Variants in GLIS3 observed in about 807,000 individuals in gnomAD.
GLIS3 encodes the protein zinc finger protein GLIS3.
A neutral mutation model predicts 78.6 loss-of-function variants in GLIS3; 53 were observed. The ratio of observed to expected loss-of-function variants is 0.67; its 90% CI spans 0.54 to 0.85. GLIS3 has a LOEUF of 0.85. Ranked by LOEUF, GLIS3 falls within the 40% of genes least tolerant of loss-of-function variation. The probability of loss-of-function intolerance (pLI) is 0.00; values close to 1 mark genes in which losing one functional copy is unlikely to be tolerated. For missense variants in GLIS3, 1,703 were observed against 1,231.1 expected (o/e 1.38, Z -5.74); for synonymous variants, 684 against 509.9 (o/e 1.34, Z -4.60).
chr9:4,270,716 C>T (rs1011648973), intron 2 of GLIS3, among the ~76,000 whole-genome samples: 1 of 152,208 alleles, frequency 6.6e-6, no homozygotes, highest in African/African-American at 2.4e-5. Flanking sequence ...CCCTGTGTGA[C>T]GATCTCTGAG....
chr9:3,856,291 G>A (rs1413291423), intron 8 of GLIS3, 107 bp from the exon 9 acceptor site: 23 of 978,704 alleles, frequency 2.4e-5, no homozygotes, highest in South Asian at 1.8e-4. Context: ...ATACAAGAGC[G>A]TGACAACAAG....
At chr9:4,066,538 G>C (rs567254941) in intron 4 of GLIS3, among the ~76,000 whole-genome samples, 3 of 152,296 alleles carry the variant, frequency 2.0e-5, no homozygotes, top group South Asian at 4.1e-4. Flanking sequence ...CTGGATTTCT[G>C]ACCAGGTAAT....
upstream of GLIS3, among the ~76,000 whole-genome samples, chr9:4,301,302 T>C (rs1410152859): frequency 2.0e-5 from 3 of 152,170 alleles, no homozygotes; most frequent in East Asian, 5.8e-4. Context: ...TTTTCCAGTT[T>C]CTCTCTGTTC....
At chr9:3,852,394 C>A (rs924747423) in intron 9 of GLIS3, among the ~76,000 whole-genome samples, 1 of 152,176 alleles carries the variant, frequency 6.6e-6, no homozygotes, top group Admixed American at 6.5e-5. Context: ...CTCACTTGAG[C>A]TATTGCATTA....
In GLIS3 at chr9:4,250,722, C is replaced by A. The variant is rs530288318; in HGVS notation, c.388+35316G>T. Among the ~76,000 whole-genome samples, 5 of 152,314 alleles carry A rather than the reference C, an allele frequency of 3.3e-5. No individual in the cohort carries two copies. The East Asian group carries it at 5.8e-4, about 18-fold the overall frequency. On this transcript the variant is annotated intron_variant, in intron 2 of 10. Coordinates refer to ENST00000381971, the MANE Select transcript of GLIS3 (RefSeq NM_001042413.2). ...TGATGTTAGGGTGTCAATTTTAAATCTTTCCCACCTTCTTTTGTGGGCATT... is the reference window on the plus strand; with the variant it reads ...TGATGTTAGGGTGTCAATTTTAAATATTTCCCACCTTCTTTTGTGGGCATT...
chr9:4,353,120 A>G (rs1220119959), upstream of GLIS3, among the ~76,000 whole-genome samples: 1 of 152,070 alleles, frequency 6.6e-6, no homozygotes, highest in African/African-American at 2.4e-5. Context: ...GAACAATACA[A>G]CTTGACCGAA....
chr9:4,474,054 A>T, the GLIS3 span, among the ~76,000 whole-genome samples: 1 of 152,214 alleles, frequency 6.6e-6, no homozygotes, highest in Non-Finnish European at 1.5e-5. Context: ...GTCACTCCCA[A>T]ACAAAATTTC....
At chr9:4,188,070 G>A (rs567736752) in intron 2 of GLIS3, among the ~76,000 whole-genome samples, 1 of 151,912 alleles carries the variant, frequency 6.6e-6, no homozygotes, top group East Asian at 1.9e-4. Context: ...TCCCTGTCTT[G>A]TGCCAGTTTT....
At chr9:4,192,035 T>C (rs1252221857) in intron 2 of GLIS3, among the ~76,000 whole-genome samples, 1 of 152,198 alleles carries the variant, frequency 6.6e-6, no homozygotes, top group Non-Finnish European at 1.5e-5. Context: ...AAAAGGGCCA[T>C]AATCTTTCCA....
chr9:4,181,081 T>C (rs1310668966), intron 2 of GLIS3, among the ~76,000 whole-genome samples: 1 of 152,212 alleles, frequency 6.6e-6, no homozygotes, highest in Non-Finnish European at 1.5e-5. Context: ...TCATTCGTAC[T>C]CTAAGATGAG....
intron 7 of GLIS3, chr9:3,898,222 A>C (rs769903945): frequency 4.3e-6 from 1 of 231,074 alleles, no homozygotes; most frequent in Non-Finnish European, 8.6e-6. Flanking sequence ...CTCCTTTCCC[A>C]CAATGGTTGG....
the GLIS3 span, among the ~76,000 whole-genome samples, chr9:4,375,419 A>T: frequency 3.3e-5 from 5 of 152,226 alleles, no homozygotes; most frequent in African/African-American, 4.8e-5. Context: ...TGAAGGATGA[A>T]AACAATTTGC....
intron 4 of GLIS3, among the ~76,000 whole-genome samples, chr9:3,943,997 C>T (rs7024842): frequency 0.23 from 35,361 of 152,038 alleles, 5,784 homozygotes; most frequent in African/African-American, 0.47. Flanking sequence ...TGGCTTGTTG[C>T]GCTGCTTATT....
chr9:4,474,009 T>C, the GLIS3 span, among the ~76,000 whole-genome samples: 1 of 132,406 alleles, frequency 7.6e-6, no homozygotes, highest in Non-Finnish European at 1.8e-5. Flanking sequence ...ATTGTAAAGA[T>C]GTCAGTTCCC....
the GLIS3 span, among the ~76,000 whole-genome samples, chr9:4,470,143 A>G: frequency 6.6e-6 from 1 of 152,238 alleles, no homozygotes; most frequent in Non-Finnish European, 1.5e-5. Flanking sequence ...GTCCAGGACC[A>G]GACGGATTCA....
chr9:4,153,773 C>G (rs1403697626), intron 2 of GLIS3, among the ~76,000 whole-genome samples: 1 of 152,204 alleles, frequency 6.6e-6, no homozygotes, highest in Non-Finnish European at 1.5e-5. Context: ...AATGCTTATT[C>G]ACATGACTTG....
chr9:4,183,838 T>C (rs1817541507), intron 2 of GLIS3, among the ~76,000 whole-genome samples: 1 of 152,238 alleles, frequency 6.6e-6, no homozygotes, highest in African/African-American at 2.4e-5. Context: ...TTTACATGTC[T>C]GACTTTCAAT....
the GLIS3 span, among the ~76,000 whole-genome samples, chr9:4,431,754 G>T: frequency 6.7e-6 from 1 of 148,202 alleles, no homozygotes; most frequent in African/African-American, 2.5e-5. Flanking sequence ...TGAGGCAGGA[G>T]AATCCATTGA....
At chr9:4,231,747 C>T (rs1330212465) in intron 2 of GLIS3, among the ~76,000 whole-genome samples, 6 of 152,162 alleles carry the variant, frequency 3.9e-5, no homozygotes, top group Non-Finnish European at 5.9e-5. Flanking sequence ...ATCATTAAGG[C>T]AAAATAAGAC....
Sources: allele counts gnomAD v4.1 joint callset (sites outside exome capture counted in the v4.1 genomes callset), GRCh38; gene constraint gnomAD v4.1.1; transcripts MANE v1.5; gene names NCBI Gene and HGNC (gene_info 2026-07-23, HGNC 2026-07-21).